The following NCAPH2 variants were observed in gnomAD, a reference collection of about 807,000 sequenced individuals.
NCAPH2 encodes the protein non-SMC condensin II complex subunit H2.
A neutral mutation model predicts 88.6 loss-of-function variants in NCAPH2; 56 were observed. The observed-to-expected ratio is 0.63, with a 90% CI of 0.51 to 0.79. The LOEUF (loss-of-function observed/expected upper bound fraction) is 0.79. NCAPH2 is among the 30% of genes least tolerant of loss of function. The pLI, the probability that NCAPH2 is intolerant of heterozygous loss-of-function variation, is 0.00. For missense variants in NCAPH2, 794 were observed against 792.0 expected (o/e 1.00, Z -0.03); for synonymous variants, 378 against 313.6 (o/e 1.21, Z -2.17).
At chr22:50,510,397 G>A (rs537589250) in intron 1 of NCAPH2, among the ~76,000 whole-genome samples, 3 of 152,128 alleles carry the variant, frequency 2.0e-5, no homozygotes, top group African/African-American at 7.2e-5. Context: ...CACCACACCT[G>A]GCTGGGAATA....
In NCAPH2 at chr22:50,508,365, CA is replaced by C; in HGVS notation, c.29del (p.His10ProfsTer42). On this transcript the variant is annotated frameshift_variant, in exon 1 of 20. Transcript: ENST00000420993. LOFTEE classifies it high-confidence loss of function. The part of the protein sequence containing the change: MEDVEARFA[H>X]LLQPIRDLTK... ...GGAGGACGTGGAGGCGCGCTTCGCC[CA>C]CCTCTTGCAGCCCATCCGCGACCTC... The C allele has an allele frequency of 6.7e-7, 1 of 1,483,020 alleles. No homozygotes were observed. Among genetic ancestry groups the C allele is most frequent in the Non-Finnish European group, 8.9e-7 (1 of 1,121,166 alleles). The allele number at this position is 1,483,020 out of a possible 1,614,324, so 91.9% of individuals were successfully genotyped here.
At position 50,518,520 on chromosome 22, in the gene NCAPH2, C is replaced by T. The variant is rs777292325; in HGVS notation, c.647-129C>T. The T allele has an allele frequency of 1.8e-5, 20 of 1,089,708 alleles. No homozygotes were observed. In the South Asian group the frequency reaches 2.0e-4, roughly 11 times the overall value. The allele number at this position is 1,089,708 out of a possible 1,614,324, so 67.5% of individuals were successfully genotyped here. On this transcript the variant is annotated intron_variant, in intron 7 of 19. Coordinates refer to ENST00000420993, the MANE Select transcript of NCAPH2 (RefSeq NM_152299.4). ...GGCTCAGGGCCCTGCTGTCTCCCCC[C>T]AGCCCAAGGCCTGGAGTCTGCTGGT... is the stretch of plus-strand genomic sequence containing the variant.
intron 1 of NCAPH2, among the ~76,000 whole-genome samples, chr22:50,510,794 G>A (rs1239832632): frequency 6.6e-6 from 1 of 151,740 alleles, no homozygotes; most frequent in African/African-American, 2.4e-5. Context: ...ATCTAAAATA[G>A]TCCTCTCCAT....
rs370229835 is a variant in NCAPH2 at position 50,523,891 on chromosome 22, A to G, written c.*516A>G. Reference sequence around the variant, plus strand: ...CTGGACGTAGCGGGCCATGGCTTCAACGTCGTCCCGCTCGGGGTCCACAGT... The same window carrying G: ...CTGGACGTAGCGGGCCATGGCTTCAGCGTCGTCCCGCTCGGGGTCCACAGT... On this transcript the variant is annotated 3_prime_UTR_variant, in exon 20 of 20. Coordinates refer to ENST00000420993, the MANE Select transcript of NCAPH2 (RefSeq NM_152299.4). The G allele has an allele frequency of 1.4e-5, 22 of 1,613,864 alleles. No homozygotes were observed. The African/African-American group carries it at 2.8e-4, about 21-fold the overall frequency.
chr22:50,518,711 C>G lies in NCAPH2; in HGVS notation c.709C>G (p.Leu237Val). 6.2e-7 allele frequency: 1 copy of G among 1,607,520 alleles called. No homozygotes were observed. The highest frequency in any genetic ancestry group is 8.5e-7 in the Non-Finnish European group (1 of 1,177,900). The change falls in exon 8 of 20, where the codon CTC becomes GTC. Residue 237 changes from leucine (L) to valine (V), a missense_variant. By Grantham distance (32) the Leu-to-Val change is conservative. Coordinates refer to ENST00000420993, the MANE Select transcript of NCAPH2 (RefSeq NM_152299.4). ...VSVCRSPVPA[L>V]GFSQEPGPSP... ...CGTGTGCAGGAGCCCTGTCCCAGCA[C>G]TCGGCTTCTCCCAGGAGCCAGGTGA...
In NCAPH2 at chr22:50,524,286, G is replaced by T. The variant is rs2069229178; in HGVS notation, c.*911G>T. ...GGCCCTGCCCACCTGTCTCTGCAGG[G>T]CCCTGCCTTGACAAAAGCCAGGACC... On this transcript the variant is annotated 3_prime_UTR_variant, in exon 20 of 20. Transcript: ENST00000420993. 1.2e-6 allele frequency: 2 copies of T among 1,603,214 alleles called. No individual in the cohort carries two copies. Among genetic ancestry groups the T allele is most frequent in the South Asian group, 2.2e-5 (2 of 91,064 alleles).
chr22:50,518,538 C>G, intron 7 of NCAPH2, 111 bp from the exon 8 acceptor site: 2 of 1,178,206 alleles, frequency 1.7e-6, no homozygotes, highest in Non-Finnish European at 2.4e-6. Flanking sequence ...GGCCTGGAGT[C>G]TGCTGGTCTC....
At chr22:50,510,437 T>A (rs2068752773) in intron 1 of NCAPH2, among the ~76,000 whole-genome samples, 1 of 152,116 alleles carries the variant, frequency 6.6e-6, no homozygotes, top group Non-Finnish European at 1.5e-5. Context: ...TGTTTTCTTT[T>A]CTTTTTTTGA....
chr22:50,522,296 C>T, intron 14 of NCAPH2, 45 bp downstream of exon 14: 2 of 1,607,110 alleles, frequency 1.2e-6, no homozygotes, highest in Non-Finnish European at 1.7e-6. Flanking sequence ...CCGTGGTGGC[C>T]CTGATGGGAG....
rs755243082 is a variant in NCAPH2, at chr22:50,517,752, G to A, written c.363G>A (p.Leu121=). Residue 121 remains leucine, a synonymous_variant, in exon 5 of 20, where the codon CTG becomes CTA. Coordinates refer to ENST00000420993, the MANE Select transcript of NCAPH2 (RefSeq NM_152299.4). Reference sequence around the variant, plus strand: ...CTGTCTCCCTCCAGTTCCTGTCGCTGGATGACTTCCCTGACTCCCGGACTA... The same window carrying A: ...CTGTCTCCCTCCAGTTCCTGTCGCTAGATGACTTCCCTGACTCCCGGACTA... The part of the protein sequence containing the change: ...PQEAENEFLS[L]DDFPDSRTNV... 9 of 1,614,048 alleles carry A rather than the reference G, an allele frequency of 5.6e-6. No individual in the cohort carries two copies. The highest frequency in any genetic ancestry group is 7.6e-6 in the Non-Finnish European group (9 of 1,180,038).
At position 50,517,653 on chromosome 22, in the gene NCAPH2, G is replaced by A. The variant is rs745695877; in HGVS notation, c.343G>A (p.Glu115Lys). Residue 115 changes from glutamate (E) to lysine (K), a missense_variant, in exon 4 of 20, where the codon GAG (glutamate) becomes AAG (lysine). Physicochemically the swap from Glu to Lys is moderately conservative, Grantham distance 56. Coordinates refer to ENST00000420993, the MANE Select transcript of NCAPH2 (RefSeq NM_152299.4). ...CAGCTCCGGGGTCCCCCAGGAGGCA[G>A]AGAATGAGGTGAGTTTCTTTGGCAT... ...VASSGVPQEA[E>K]NEFLSLDDFP... is the part of the protein sequence containing the mutation. The A allele has an allele frequency of 1.2e-6, 2 of 1,614,066 alleles. No individual in the cohort carries two copies. The highest frequency in any genetic ancestry group is 3.3e-5 in the Admixed American group (2 of 60,012).
intron 1 of NCAPH2, among the ~76,000 whole-genome samples, chr22:50,515,010 G>A (rs892893638): frequency 6.6e-6 from 1 of 152,224 alleles, no homozygotes; most frequent in African/African-American, 2.4e-5. Context: ...TTCAGGCTTA[G>A]CTTTGACATT....
At chr22:50,513,571 C>T (rs900052237) in intron 1 of NCAPH2, among the ~76,000 whole-genome samples, 17 of 152,202 alleles carry the variant, frequency 1.1e-4, no homozygotes, top group Admixed American at 5.2e-4. Context: ...TGAGTCTGAC[C>T]AGCATGGTGA....
At position 50,522,057 on chromosome 22, in the gene NCAPH2, G is replaced by T; in HGVS notation, c.1162+18G>T. The T allele has an allele frequency of 6.2e-7, 1 of 1,613,964 alleles. No individual in the cohort carries two copies. The highest frequency in any genetic ancestry group is 8.5e-7 in the Non-Finnish European group (1 of 1,179,912). ...CTTTGCAGGTGAGGCTGAAGTCCTC[G>T]GGGAAGACAGTTTTACTCTCCTTCC... On this transcript the variant is annotated intron_variant, in intron 13 of 19. Transcript: ENST00000420993.
chr22:50,519,190 G>A lies in NCAPH2; in HGVS notation c.731G>A (p.Gly244Asp). The A allele has an allele frequency of 1.2e-6, 2 of 1,607,210 alleles. No homozygotes were observed. The highest frequency in any genetic ancestry group is 1.7e-6 in the Non-Finnish European group (2 of 1,177,732). Residue 244 changes from glycine (G) to aspartate (D), a missense_variant and splice_region_variant, in exon 9 of 20, where the codon GGC becomes GAC. Physicochemically the swap from Gly to Asp is moderately conservative, Grantham distance 94. This residue lies in a region of NCAPH2 where 735 missense variants were observed against 696.3 expected (regional missense o/e 1.06). Transcript: ENST00000420993. ...GATCACTCTCTTGCTCCCTGCCTAG[G>A]CCCCTCTCCAGAAGGCCCGATGCCC... is the stretch of plus-strand genomic sequence containing the variant. ...VPALGFSQEPGPSPEGPMPLG... is the reference protein window; with the variant it reads ...VPALGFSQEPDPSPEGPMPLG...
intron 1 of NCAPH2, among the ~76,000 whole-genome samples, chr22:50,512,297 C>T (rs541454774): frequency 2.0e-5 from 3 of 152,310 alleles, no homozygotes; most frequent in East Asian, 3.9e-4. Context: ...TGAGAAAATA[C>T]GGGGAACTGT....
In NCAPH2 at chr22:50,524,072, G is replaced by A. The variant is rs372731740; in HGVS notation, c.*697G>A. ...TGGCCCCGGAAGTCAGCCTTGCAGC[G>A]AGCCCGGCCTCTGTGATCCAGCAGG... On this transcript the variant is annotated 3_prime_UTR_variant, in exon 20 of 20. Transcript: ENST00000420993. 9 of 1,613,100 alleles carry A rather than the reference G, an allele frequency of 5.6e-6. No homozygotes were observed. Among genetic ancestry groups the A allele is most frequent in the South Asian group, 2.2e-5 (2 of 91,082 alleles).
At chr22:50,509,724 C>T (rs1290503171) in intron 1 of NCAPH2, among the ~76,000 whole-genome samples, 4 of 152,212 alleles carry the variant, frequency 2.6e-5, no homozygotes, top group South Asian at 2.1e-4. Context: ...CTAAAATCAA[C>T]CCCTCAGTGG....
intron 2 of NCAPH2, among the ~76,000 whole-genome samples, chr22:50,517,074 C>T (rs142390547): frequency 2.2e-4 from 33 of 152,262 alleles, no homozygotes; most frequent in East Asian, 3.9e-4. Context: ...GGCTGCAGGC[C>T]GTCGGCAGAG....
Sources: allele counts gnomAD v4.1 joint callset (sites outside exome capture counted in the v4.1 genomes callset), GRCh38; gene constraint gnomAD v4.1.1; regional missense constraint gnomAD v4.1.1; transcripts MANE v1.5; gene names NCBI Gene and HGNC (gene_info 2026-07-23, HGNC 2026-07-21).